Variants in COP1 observed in about 807,000 individuals in gnomAD.
COP1 encodes E3 ubiquitin-protein ligase COP1.
A neutral mutation model predicts 101.3 loss-of-function variants in COP1; 24 were observed. That is an observed-to-expected ratio of 0.24 (90% confidence interval 0.17 to 0.33). COP1 has a LOEUF of 0.33. Among genes scored for constraint, COP1 ranks in the 10% least tolerant of loss-of-function variants. The pLI is 1.00. For missense variants in COP1, 663 were observed against 906.2 expected, an observed-to-expected ratio of 0.73 and a Z score of 3.45; for synonymous variants, 347 against 341.9, an observed-to-expected ratio of 1.01 and a Z score of -0.17.
chr1:176,093,348 G>C (rs1681700804), intron 9 of COP1, among the ~76,000 whole-genome samples: 1 of 151,816 alleles, frequency 6.6e-6, no homozygotes. Context: ...ATATTCCTTT[G>C]TAGGTACCAA....
At chr1:175,994,268 C>T (rs559552471) in intron 15 of COP1, among the ~76,000 whole-genome samples, 10,449 of 152,022 alleles carry the variant, frequency 0.069, 442 homozygotes, top group Admixed American at 0.086. Context: ...AAGGAACAAC[C>T]CATACCAGCC....
At chr1:176,036,257 AG>A (rs1344931308) in intron 14 of COP1, among the ~76,000 whole-genome samples, 1 of 152,012 alleles carries the variant, frequency 6.6e-6, no homozygotes, top group Non-Finnish European at 1.5e-5. Flanking sequence ...AAAACTAGAA[AG>A]GGGAGGAAAT....
In COP1 at chr1:175,945,182, GA is replaced by G. The variant is rs766595603; in HGVS notation, c.2179-13del. 69 of 1,549,394 alleles carry G rather than the reference GA, an allele frequency of 4.5e-5. No homozygotes were observed. Among genetic ancestry groups the G allele is most frequent in the African/African-American group, 9.7e-5 (7 of 72,426 alleles). On this transcript the variant is annotated splice_polypyrimidine_tract_variant and intron_variant, in intron 19 of 19. Coordinates refer to ENST00000367669, the MANE Select transcript of COP1 (RefSeq NM_022457.7). ...ACCAATTCTAGCACCTAATTGGGGG[GA>G]AAAAAGGATCCATTTAATAAAATCA...
Position 176,081,257 on chromosome 1 carries a change from T to C in COP1, c.1172A>G (p.Glu391Gly). 1 of 1,605,016 alleles carries C rather than the reference T, an allele frequency of 6.2e-7. No homozygotes were observed. Among genetic ancestry groups the C allele is most frequent in the East Asian group, 2.2e-5 (1 of 44,600 alleles). The change falls in exon 11 of 20, where the codon GAA becomes GGA. Residue 391 changes from glutamate to glycine, a missense_variant. Coordinates refer to ENST00000367669, the MANE Select transcript of COP1 (RefSeq NM_022457.7). ...AAACTTGGACAAGCATTCCTGAAATTCATCCAACTGGCTTGCAGTTCGACT... is the reference window on the plus strand; with the variant it reads ...AAACTTGGACAAGCATTCCTGAAATCCATCCAACTGGCTTGCAGTTCGACT... Reference protein sequence around the residue: ...DDSRTASQLDEFQECLSKFTR... With the variant: ...DDSRTASQLDGFQECLSKFTR...
chr1:175,980,078 C>G (rs1294883246), intron 18 of COP1, among the ~76,000 whole-genome samples: 1 of 151,960 alleles, frequency 6.6e-6, no homozygotes, highest in Non-Finnish European at 1.5e-5. Context: ...TTATAACAAC[C>G]CTAGAAGATA....
Position 176,135,080 on chromosome 1 carries a change from T to A in COP1, c.898A>T (p.Ser300Cys). ...EEDIKRVEEMSGLYSPVSEDS... is the reference protein window; with the variant it reads ...EEDIKRVEEMCGLYSPVSEDS... ...TCACTGACAGGAGAGTATAAGCCACTCATTTCCTGAAAATAAAATTATTTG... is the reference window on the plus strand; with the variant it reads ...TCACTGACAGGAGAGTATAAGCCACACATTTCCTGAAAATAAAATTATTTG... Residue 300 changes from serine (S) to cysteine (C), a missense_variant, in exon 8 of 20, where the codon AGT becomes TGT. Ser to Cys is a moderately radical substitution (Grantham distance 112). Transcript: ENST00000367669. 6.3e-7 allele frequency: 1 copy of A among 1,597,366 alleles called. No individual in the cohort carries two copies. The highest frequency in any genetic ancestry group is 8.6e-7 in the Non-Finnish European group (1 of 1,166,962).
chr1:175,979,899 T>G (rs1165020066), intron 18 of COP1, among the ~76,000 whole-genome samples: 2 of 152,162 alleles, frequency 1.3e-5, no homozygotes, highest in Non-Finnish European at 2.9e-5. Flanking sequence ...AAGCTTGAAG[T>G]GTTGTATCGT....
intron 8 of COP1, among the ~76,000 whole-genome samples, chr1:176,123,800 A>G (rs1572380825): frequency 6.6e-6 from 1 of 152,202 alleles, no homozygotes; most frequent in Admixed American, 6.5e-5. Context: ...CTCTTATAAA[A>G]AGGAAAATAA....
intron 18 of COP1, among the ~76,000 whole-genome samples, chr1:175,964,559 A>G (rs78700901): frequency 0.069 from 10,571 of 152,308 alleles, 459 homozygotes; most frequent in Non-Finnish European, 0.087. Flanking sequence ...ACTGCAGCTG[A>G]GATGGCTAGC....
chr1:175,999,564 A>G (rs1490375158), intron 15 of COP1, among the ~76,000 whole-genome samples: 1 of 152,046 alleles, frequency 6.6e-6, no homozygotes, highest in Non-Finnish European at 1.5e-5. Flanking sequence ...CAGTGCCGCA[A>G]AAAACATGGG....
intron 17 of COP1, among the ~76,000 whole-genome samples, chr1:175,987,386 CA>C (rs1047608483): frequency 4.6e-5 from 7 of 152,100 alleles, no homozygotes; most frequent in Non-Finnish European, 8.8e-5. Context: ...GAGGTTGGTA[CA>C]AAAGTAATTG....
intron 4 of COP1, 49 bp from the exon 5 acceptor site, chr1:176,163,037 T>C (rs768231450): frequency 1.3e-6 from 2 of 1,553,348 alleles, no homozygotes; most frequent in Non-Finnish European, 1.7e-6. Context: ...GAAGACTGTT[T>C]TAGAGACTAA....
At chr1:176,088,367 T>A (rs994392499) in intron 9 of COP1, among the ~76,000 whole-genome samples, 2 of 152,094 alleles carry the variant, frequency 1.3e-5, no homozygotes, top group African/African-American at 4.8e-5. Flanking sequence ...TATATAAGGA[T>A]TAAAAACAGG....
intron 9 of COP1, among the ~76,000 whole-genome samples, chr1:176,114,358 C>CAG (rs1195700934): frequency 1.3e-5 from 2 of 151,962 alleles, no homozygotes; most frequent in Non-Finnish European, 2.9e-5. Context: ...GGATGATGTA[C>CAG]AGAGTAGTCA....
intron 15 of COP1, among the ~76,000 whole-genome samples, chr1:176,002,873 G>C (rs1210023988): frequency 6.6e-6 from 1 of 151,696 alleles, no homozygotes. Flanking sequence ...TATATACTCA[G>C]TAATGGGATG....
At chr1:176,197,587 C>T (rs1572808061) in intron 1 of COP1, among the ~76,000 whole-genome samples, 2 of 151,956 alleles carry the variant, frequency 1.3e-5, no homozygotes, top group Non-Finnish European at 2.9e-5. Flanking sequence ...GATATGAAAA[C>T]CAGAAAAAAA....
At chr1:176,206,291 C>T (rs1700842935) in intron 1 of COP1, 5 of 454,460 alleles carry the variant, frequency 1.1e-5, no homozygotes, top group Non-Finnish European at 1.9e-5. Flanking sequence ...GACCTTCCAC[C>T]TCTTCCCTCG....
At position 176,100,731 on chromosome 1, in the gene COP1, T is replaced by C. The variant is rs554957330; in HGVS notation, c.1027-14841A>G. 4.6e-5 allele frequency among the ~76,000 whole-genome samples: 7 copies of C among 152,280 alleles called. No individual in the cohort carries two copies. In the South Asian group the frequency reaches 1.0e-3, roughly 23 times the overall value. ...AGACAAGAACTATGCACCCAAATCT[T>C]AGCAGGCATAACTATATCCACCAGT... is the stretch of plus-strand genomic sequence containing the variant. On this transcript the variant is annotated intron_variant, in intron 9 of 19. Coordinates refer to ENST00000367669, the MANE Select transcript of COP1 (RefSeq NM_022457.7).
intron 18 of COP1, 131 bp from the exon 19 acceptor site, chr1:175,947,370 A>ATT (rs34272809): frequency 0.024 from 11,614 of 482,896 alleles, 3 homozygotes; most frequent in Non-Finnish European, 0.028. Flanking sequence ...TGAAGATACA[A>ATT]TTTTTTTTTT....
Sources: allele counts gnomAD v4.1 joint callset (sites outside exome capture counted in the v4.1 genomes callset), GRCh38; gene constraint gnomAD v4.1.1; transcripts MANE v1.5; gene names NCBI Gene and HGNC (gene_info 2026-07-23, HGNC 2026-07-21).